Variants in NBPF15 observed in about 807,000 individuals in gnomAD.
The protein encoded by NBPF15 is NBPF member 15.
NBPF15 carries 74 observed loss-of-function variants against 62.2 expected under a neutral mutation model. The observed-to-expected ratio is 1.19, with a 90% CI of 0.99 to 1.44. The LOEUF (loss-of-function observed/expected upper bound fraction) is 1.44. Among genes scored for constraint, NBPF15 ranks in the 40% most tolerant of loss-of-function variants. NBPF15 has a pLI of 0.00. For synonymous variants in NBPF15, 244 were observed against 209.7 expected (o/e 1.16, Z -1.41); for missense variants, 790 against 550.0 (o/e 1.44, Z -4.36).
chr1:144,434,764 C>A (rs1553540717), intron 12 of NBPF15, among the ~76,000 whole-genome samples: 1 of 151,890 alleles, frequency 6.6e-6, no homozygotes, highest in Non-Finnish European at 1.5e-5. Context: ...CTTCCTTAAA[C>A]AGGCATAGAA....
At chr1:144,438,842 G>T (rs1680664684) in intron 8 of NBPF15, among the ~76,000 whole-genome samples, 1 of 151,892 alleles carries the variant, frequency 6.6e-6, no homozygotes, top group South Asian at 2.1e-4. Context: ...CACAGTCCCT[G>T]CTCTGTACAC....
chr1:144,458,313 C>G, intron 3 of NBPF15, among the ~76,000 whole-genome samples: 1 of 151,890 alleles, frequency 6.6e-6, no homozygotes, highest in Non-Finnish European at 1.5e-5. Flanking sequence ...AATAAAGAGT[C>G]AAGACTGTAG....
rs1553539423 is a variant in NBPF15, at chr1:144,427,116, A to G, written c.1214-18T>C. The G allele has an allele frequency of 4.1e-5, 23 of 564,894 alleles. No homozygotes were observed. The South Asian group carries it at 4.3e-4, about 11-fold the overall frequency. 35.0% of individuals were successfully genotyped at this position (564,894 alleles called of 1,614,324 possible). A position where few individuals can be genotyped will look rare whatever the true frequency, so the allele number is the denominator to read the frequency against. Reference sequence around the variant, plus strand: ...TTCAATTTCTGCAATAAGTTCAGACATGGACAGACATATTAAGCTGGTTCT... The same window carrying G: ...TTCAATTTCTGCAATAAGTTCAGACGTGGACAGACATATTAAGCTGGTTCT... On this transcript the variant is annotated intron_variant, in intron 16 of 21. Coordinates refer to ENST00000581897, the MANE Select transcript of NBPF15 (RefSeq NM_001385408.1).
At chr1:144,424,587 G>A (rs1223748276) in intron 20 of NBPF15, 103 bp downstream of exon 20, 9 of 656,186 alleles carry the variant, frequency 1.4e-5, no homozygotes, top group Non-Finnish European at 2.2e-5. Context: ...CCTCACTGCG[G>A]CAATGACATC....
Position 144,461,379 on chromosome 1 carries a change from A to C in NBPF15, c.-938+2T>G, listed in dbSNP as rs1652981128. On this transcript the variant is annotated splice_donor_variant, in intron 1 of 21. Transcript: ENST00000581897. LOFTEE classifies it low-confidence loss of function (5UTR_SPLICE). ...CTGTGTACCCGCGGGTCCCGGACTC[A>C]CCGCCCGCCCGGCCTGGCGCGGCGC... 1 of 149,156 alleles carries C rather than the reference A, an allele frequency of 6.7e-6. No individual in the cohort carries two copies. The highest frequency in any genetic ancestry group is 2.1e-4 in the South Asian group (1 of 4,734). The allele number at this position is 149,156 out of a possible 1,614,324, so 9.2% of individuals were successfully genotyped here. A position where few individuals can be genotyped will look rare whatever the true frequency, so the allele number is the denominator to read the frequency against.
intron 8 of NBPF15, among the ~76,000 whole-genome samples, chr1:144,438,442 T>C (rs1292642456): frequency 3.2e-4 from 49 of 151,990 alleles, no homozygotes; most frequent in Admixed American, 3.1e-3. Flanking sequence ...CCTAGGACTA[T>C]GGGACTGATG....
At chr1:144,457,366 G>A (rs1445521849) in intron 3 of NBPF15, among the ~76,000 whole-genome samples, 1 of 151,906 alleles carries the variant, frequency 6.6e-6, no homozygotes, top group African/African-American at 2.4e-5. Context: ...GTCTCGCTGA[G>A]CTTTCGCTAG....
At chr1:144,445,812 G>C (rs1331198911) in intron 6 of NBPF15, among the ~76,000 whole-genome samples, 1 of 129,540 alleles carries the variant, frequency 7.7e-6, no homozygotes, top group Admixed American at 7.5e-5. Flanking sequence ...ATTTTTTGTA[G>C]TTTTTGGTGT....
In NBPF15 at chr1:144,455,470, A is replaced by T. The variant is rs587644924; in HGVS notation, c.-432+1067T>A. ...ACCCCTTCTTCCTCCTCTGAAACACATTATTCCTCTGGCCCACTGTTGCCA... is the reference window on the plus strand; with the variant it reads ...ACCCCTTCTTCCTCCTCTGAAACACTTTATTCCTCTGGCCCACTGTTGCCA... On this transcript the variant is annotated intron_variant, in intron 4 of 21. Transcript: ENST00000581897. Among the ~76,000 whole-genome samples the T allele has an allele frequency of 3.6e-3, 548 of 152,050 alleles. 6 individuals are homozygous for T. Among genetic ancestry groups the T allele is most frequent in the Middle Eastern group, 6.8e-3 (2 of 294 alleles).
chr1:144,425,434 T>C, intron 19 of NBPF15, 83 bp downstream of exon 19: 1 of 303,936 alleles, frequency 3.3e-6, no homozygotes, highest in South Asian at 2.3e-5. Context: ...ATGTAATCGA[T>C]AATGTCAGCC....
At chr1:144,450,575 G>T (rs1553545232) in intron 5 of NBPF15, among the ~76,000 whole-genome samples, 197 bp downstream of exon 5, 2 of 150,418 alleles carry the variant, frequency 1.3e-5, no homozygotes, top group East Asian at 3.9e-4. Flanking sequence ...AGAGAACCCG[G>T]CCACTTCATT....
chr1:144,451,274 C>T lies in NBPF15; in HGVS notation c.-431-404G>A, dbSNP rs587720288. On this transcript the variant is annotated intron_variant, in intron 4 of 21. Transcript: ENST00000581897. ...CAGTATTGCTGCCAGCATGTCCCAC[C>T]TCCAGTCCTAAGGCAGTTTTCTCCT... is the stretch of plus-strand genomic sequence containing the variant. 4.3e-4 allele frequency among the ~76,000 whole-genome samples: 65 copies of T among 152,124 alleles called. 1 individual carries two copies. The highest frequency in any genetic ancestry group is 1.5e-3 in the African/African-American group (62 of 41,492).
In NBPF15 at chr1:144,439,865, G is replaced by C; in HGVS notation, c.139C>G (p.Leu47Val). 2 of 1,610,034 alleles carry C rather than the reference G, an allele frequency of 1.2e-6. No individual in the cohort carries two copies. Among genetic ancestry groups the C allele is most frequent in the Non-Finnish European group, 8.5e-7 (1 of 1,178,636 alleles). ...NLKEKCFLTQ[L>V]AGFLANRQKK... The stretch of plus-strand genomic sequence containing the variant: ...TGTCGGTTGGCCAGGAAGCCGGCCA[G>C]TTGAGTTAGAAAACATTTCTCTTTG... The change falls in exon 8 of 22, where the codon CTG (leucine) becomes GTG (valine). Residue 47 changes from leucine to valine, a missense_variant. Coordinates refer to ENST00000581897, the MANE Select transcript of NBPF15 (RefSeq NM_001385408.1).
intron 6 of NBPF15, chr1:144,440,549 A>G (rs1682004936): frequency 3.6e-6 from 1 of 275,154 alleles, no homozygotes; most frequent in Non-Finnish European, 6.8e-6. Flanking sequence ...AACATCATCA[A>G]GGCAGAAACA....
intron 10 of NBPF15, 152 bp downstream of exon 10, chr1:144,436,743 C>T (rs1445718011): frequency 1.5e-5 from 16 of 1,039,916 alleles, no homozygotes; most frequent in African/African-American, 6.3e-5. Flanking sequence ...TTCCCATCTC[C>T]GTTCTTACCC....
Position 144,436,875 on chromosome 1 carries a change from A to G in NBPF15, c.493+20T>C. 1.9e-6 allele frequency: 3 copies of G among 1,611,558 alleles called. No individual in the cohort carries two copies. The South Asian group carries it at 3.3e-5, about 18-fold the overall frequency. The stretch of plus-strand genomic sequence containing the variant: ...CATAAGCCTGGGATTTTGGGTCATC[A>G]GGGCCTATGGCCACCTTACCTGGGC... On this transcript the variant is annotated intron_variant, in intron 10 of 21. Transcript: ENST00000581897.
Position 144,447,802 on chromosome 1 carries a change from C to T in NBPF15, c.-191+973G>A. On this transcript the variant is annotated intron_variant, in intron 6 of 21. Transcript: ENST00000581897. ...TATAAAGGGCTAGTTTATTTCATGCCTTTCTAATTTGAAATAAAGTGCTAC... is the reference window on the plus strand; with the variant it reads ...TATAAAGGGCTAGTTTATTTCATGCTTTTCTAATTTGAAATAAAGTGCTAC... 1.3e-5 allele frequency among the ~76,000 whole-genome samples: 2 copies of T among 152,154 alleles called. 1 individual carries two copies. The highest frequency in any genetic ancestry group is 3.9e-4 in the East Asian group (2 of 5,170).
At chr1:144,427,688 C>G in intron 16 of NBPF15, 130 bp downstream of exon 16, 2 of 625,904 alleles carry the variant, frequency 3.2e-6, no homozygotes, top group Admixed American at 2.8e-5. Flanking sequence ...TTCATTCAAC[C>G]TACATGTGCC....
chr1:144,437,542 G>A (rs587704893), intron 9 of NBPF15, among the ~76,000 whole-genome samples: 2 of 150,474 alleles, frequency 1.3e-5, no homozygotes, highest in South Asian at 2.2e-4. Flanking sequence ...AGAATGACAG[G>A]GTCGAGAAGG....
Sources: allele counts gnomAD v4.1 joint callset (sites outside exome capture counted in the v4.1 genomes callset), GRCh38; gene constraint gnomAD v4.1.1; transcripts MANE v1.5; gene names NCBI Gene and HGNC (gene_info 2026-07-23, HGNC 2026-07-21).